Variants in TMEM67 observed in about 807,000 individuals in gnomAD.
TMEM67 encodes the protein transmembrane protein 67.
Under a neutral mutation model 136.6 loss-of-function variants are expected in TMEM67, and 124 were observed. The observed-to-expected ratio is 0.91, with a 90% CI of 0.78 to 1.05. The LOEUF (loss-of-function observed/expected upper bound fraction) is 1.05, where lower values mean the gene tolerates loss of function less well. TMEM67 is among the 50% of genes least tolerant of loss of function. The pLI is 0.00. For missense variants in TMEM67, 1,107 were observed against 1,178.4 expected (o/e 0.94, Z 0.89); for synonymous variants, 364 against 390.5 (o/e 0.93, Z 0.80).
In TMEM67 at chr8:93,795,391, C is replaced by T. The variant is rs750708694; in HGVS notation, c.1675-18C>T. 6.2e-6 allele frequency: 10 copies of T among 1,602,776 alleles called. No individual in the cohort carries two copies. The highest frequency in any genetic ancestry group is 3.3e-4 in the Middle Eastern group (2 of 6,062). On this transcript the variant is annotated intron_variant, in intron 16 of 27. Coordinates refer to ENST00000453321, the MANE Select transcript of TMEM67 (RefSeq NM_153704.6). ...CATGGAGTCTTAAACAGCTGTAATT[C>T]TTTTTTTTAAATTGCAGACAGTTGT...
chr8:93,829,380 C>CTGTGTGTG, the TMEM67 span, among the ~76,000 whole-genome samples: 47 of 150,370 alleles, frequency 3.1e-4, 1 homozygote, highest in Non-Finnish European at 4.4e-4. Flanking sequence ...CTCTCTCTCT[C>CTGTGTGTG]TCTGTGTGTG....
At chr8:93,790,940 A>G (rs1814348058) in intron 14 of TMEM67, among the ~76,000 whole-genome samples, 1 of 152,246 alleles carries the variant, frequency 6.6e-6, no homozygotes, top group Admixed American at 6.5e-5. Context: ...CCCAATTGCT[A>G]AATTCCTGAT....
At chr8:93,759,257 T>C (rs1812713646) in intron 3 of TMEM67, 1 of 151,694 alleles carries the variant, frequency 6.6e-6, no homozygotes, top group Non-Finnish European at 1.5e-5. Context: ...AGCTCAAGAG[T>C]TTGAGACCAG....
downstream of TMEM67, among the ~76,000 whole-genome samples, chr8:93,819,815 T>G (rs1359870797): frequency 6.6e-6 from 1 of 152,192 alleles, no homozygotes; most frequent in Non-Finnish European, 1.5e-5. Flanking sequence ...CTGTATAAGA[T>G]GTTTTGTCAT....
In TMEM67 at chr8:93,817,999, C is replaced by T. The variant is rs1466881573; in HGVS notation, c.*1547C>T. On this transcript the variant is annotated 3_prime_UTR_variant, in exon 28 of 28. Coordinates refer to ENST00000453321, the MANE Select transcript of TMEM67 (RefSeq NM_153704.6). Reference sequence around the variant, plus strand: ...AAAAGTTTTTAAGTATTAAATTTCACAATAAAGGATCAATTGGCTTACTTG... The same window carrying T: ...AAAAGTTTTTAAGTATTAAATTTCATAATAAAGGATCAATTGGCTTACTTG... 1 of 152,128 alleles carries T rather than the reference C, an allele frequency of 6.6e-6. No individual in the cohort carries two copies. The highest frequency in any genetic ancestry group is 2.4e-5 in the African/African-American group (1 of 41,424). 9.4% of individuals were successfully genotyped at this position (152,128 alleles called of 1,614,324 possible).
chr8:93,755,255 G>C (rs945777500), intron 1 of TMEM67, 118 bp downstream of exon 1: 1 of 1,041,226 alleles, frequency 9.6e-7, no homozygotes, highest in Admixed American at 1.8e-5. Context: ...TCTGACCTCA[G>C]GTGATCCACC....
In TMEM67 at chr8:93,772,662, A is replaced by AT; in HGVS notation, c.714+17dup. 6.2e-7 allele frequency: 1 copy of AT among 1,601,178 alleles called. No individual in the cohort carries two copies. The highest frequency in any genetic ancestry group is 1.3e-5 in the African/African-American group (1 of 74,704). ...GCAGCTGCATGTTGGGTAAGTTTGA[A>AT]TTTTTTAAATAAATTTCATTTTATT... On this transcript the variant is annotated intron_variant, in intron 7 of 27. Coordinates refer to ENST00000453321, the MANE Select transcript of TMEM67 (RefSeq NM_153704.6).
intron 21 of TMEM67, among the ~76,000 whole-genome samples, chr8:93,802,419 T>C (rs920453207): frequency 2.6e-5 from 4 of 152,186 alleles, no homozygotes; most frequent in Non-Finnish European, 5.9e-5. Context: ...AAGGGATCTG[T>C]TACTAAAGAG....
chr8:93,776,959 C>A (rs1175718015), intron 7 of TMEM67, among the ~76,000 whole-genome samples: 1 of 152,130 alleles, frequency 6.6e-6, no homozygotes, highest in Admixed American at 6.5e-5. Context: ...TGGTAGAATT[C>A]GGCTGTGAAT....
At chr8:93,770,394 C>A (rs1205049203) in intron 6 of TMEM67, among the ~76,000 whole-genome samples, 1 of 152,110 alleles carries the variant, frequency 6.6e-6, no homozygotes, top group Non-Finnish European at 1.5e-5. Flanking sequence ...ATAGAATTAA[C>A]TGATATCCAT....
intron 15 of TMEM67, among the ~76,000 whole-genome samples, chr8:93,792,779 T>TG (rs1483919329): frequency 1.0e-4 from 15 of 150,684 alleles, no homozygotes; most frequent in Non-Finnish European, 2.1e-4. Flanking sequence ...CTTTCTTTTT[T>TG]TTTTTTTTTG....
intron 2 of TMEM67, 168 bp downstream of exon 2, chr8:93,756,034 G>A: frequency 2.0e-6 from 1 of 496,820 alleles, no homozygotes; most frequent in Non-Finnish European, 3.6e-6. Flanking sequence ...GAAATTTCAT[G>A]CAAACTTGGA....
At chr8:93,822,003 TG>T (rs139509435), downstream of TMEM67, among the ~76,000 whole-genome samples, 5,039 of 152,324 alleles carry the variant, frequency 0.033, 261 homozygotes, top group African/African-American at 0.11. Context: ...TGTGTAAATT[TG>T]GAATTTACAT....
intron 21 of TMEM67, among the ~76,000 whole-genome samples, chr8:93,803,095 G>A (rs1814938465): frequency 6.6e-6 from 1 of 152,074 alleles, no homozygotes. Context: ...TAAAATTTCT[G>A]TTTCTAGTAT....
At chr8:93,785,093 C>A in intron 11 of TMEM67, 129 bp from the exon 12 acceptor site, 2 of 700,448 alleles carry the variant, frequency 2.9e-6, no homozygotes, top group South Asian at 1.8e-5. Context: ...TTTTGCAAAA[C>A]TAGAAAAACA....
intron 14 of TMEM67, among the ~76,000 whole-genome samples, chr8:93,788,425 T>C (rs1260009243): frequency 1.3e-5 from 2 of 152,102 alleles, no homozygotes; most frequent in Non-Finnish European, 2.9e-5. Flanking sequence ...TAGCCAGGCG[T>C]GGTGGCGCAC....
intron 22 of TMEM67, among the ~76,000 whole-genome samples, 195 bp from the exon 23 acceptor site, chr8:93,804,567 C>A (rs1438988009): frequency 7.5e-5 from 10 of 133,128 alleles, no homozygotes; most frequent in South Asian, 2.3e-4. Flanking sequence ...TATCTTCAAT[C>A]TCTTTTTCAA....
At chr8:93,821,583 C>G (rs930094230), downstream of TMEM67, among the ~76,000 whole-genome samples, 1 of 152,168 alleles carries the variant, frequency 6.6e-6, no homozygotes, top group African/African-American at 2.4e-5. Context: ...AGCCACTGCA[C>G]CTAGCCTGCC....
chr8:93,816,323 T>C (rs777115428), intron 27 of TMEM67, 49 bp from the exon 28 acceptor site: 1 of 934,310 alleles, frequency 1.1e-6, no homozygotes, highest in Middle Eastern at 2.6e-4. Flanking sequence ...ACGTGCATAT[T>C]TAATTCTGTT....
Sources: gnomAD v4.1 joint callset for allele counts (sites outside exome capture counted in the v4.1 genomes callset) on GRCh38, gnomAD v4.1.1 for gene constraint, MANE v1.5 for transcripts, NCBI Gene and HGNC (gene_info 2026-07-23, HGNC 2026-07-21) for gene names.